The following KCNK2 variants were observed in gnomAD, a reference collection of about 807,000 sequenced individuals.
KCNK2 encodes potassium channel subfamily K member 2.
In KCNK2, 21 loss-of-function variants were observed where a neutral mutation model predicts 40.5. The observed-to-expected ratio is 0.52, with a 90% CI of 0.37 to 0.75. The LOEUF (loss-of-function observed/expected upper bound fraction) is 0.75. Ranked by LOEUF, KCNK2 falls within the 30% of genes least tolerant of loss-of-function variation. KCNK2 has a pLI of 0.00. For missense variants in KCNK2, 399 were observed against 531.6 expected, an observed-to-expected ratio of 0.75 and a Z score of 2.45; for synonymous variants, 191 against 202.2, an observed-to-expected ratio of 0.94 and a Z score of 0.47.
At chr1:215,149,140 CACAG>C (rs763494255) in intron 3 of KCNK2, among the ~76,000 whole-genome samples, 1 of 152,114 alleles carries the variant, frequency 6.6e-6, no homozygotes, top group African/African-American at 2.4e-5. Flanking sequence ...TGAGAAAAAA[CACAG>C]ACAGGCTGTT....
chr1:215,136,309 C>A (rs1202285506), intron 3 of KCNK2, among the ~76,000 whole-genome samples: 1 of 151,424 alleles, frequency 6.6e-6, no homozygotes, highest in Non-Finnish European at 1.5e-5. Flanking sequence ...GTTGCCCAGG[C>A]TTGTCTCGAA....
At chr1:215,024,456 A>G (rs1199987654) in intron 1 of KCNK2, among the ~76,000 whole-genome samples, 1 of 152,244 alleles carries the variant, frequency 6.6e-6, no homozygotes, top group Non-Finnish European at 1.5e-5. Context: ...GTATAAGCCT[A>G]TGCCGTCTTT....
chr1:215,091,063 G>T (rs952250880), intron 2 of KCNK2, among the ~76,000 whole-genome samples: 2 of 152,148 alleles, frequency 1.3e-5, no homozygotes, highest in African/African-American at 4.8e-5. Context: ...AGGTACAATA[G>T]CATTACCGTA....
At chr1:215,218,741 T>C (rs758810051) in intron 6 of KCNK2, among the ~76,000 whole-genome samples, 1 of 152,186 alleles carries the variant, frequency 6.6e-6, no homozygotes, top group Non-Finnish European at 1.5e-5. Context: ...TTTTATCCTA[T>C]GATCTTCAAA....
chr1:215,133,405 T>C (rs1661759813), intron 3 of KCNK2, among the ~76,000 whole-genome samples: 1 of 152,224 alleles, frequency 6.6e-6, no homozygotes, highest in South Asian at 2.1e-4. Flanking sequence ...AATGCAGAGC[T>C]GTTCATTCTA....
intron 3 of KCNK2, among the ~76,000 whole-genome samples, chr1:215,128,487 C>T (rs1368442904): frequency 1.3e-5 from 2 of 152,056 alleles, no homozygotes; most frequent in Non-Finnish European, 2.9e-5. Context: ...AACATTTCCA[C>T]GTATGAAATG....
chr1:215,109,154 G>A (rs773445735), intron 2 of KCNK2, among the ~76,000 whole-genome samples: 1 of 151,738 alleles, frequency 6.6e-6, no homozygotes, highest in Admixed American at 6.6e-5. Flanking sequence ...ATTAAGTCAG[G>A]GTATTTAGGA....
intron 3 of KCNK2, among the ~76,000 whole-genome samples, chr1:215,168,520 G>C (rs1663551584): frequency 2.0e-5 from 3 of 152,178 alleles, no homozygotes; most frequent in Non-Finnish European, 4.4e-5. Context: ...ATACTATGCA[G>C]CCATAAAAAG....
At chr1:215,007,184 G>A (rs3001443) in intron 1 of KCNK2, among the ~76,000 whole-genome samples, 2 of 16,216 alleles carry the variant, frequency 1.2e-4, no homozygotes, top group Admixed American at 1.2e-3. Flanking sequence ...TATGTGTGTG[G>A]GTATATATAT....
intron 1 of KCNK2, among the ~76,000 whole-genome samples, chr1:215,006,559 C>G (rs756449793): frequency 6.6e-6 from 1 of 152,052 alleles, no homozygotes; most frequent in African/African-American, 2.4e-5. Context: ...TTAGATGTCT[C>G]TATGTGAGAC....
chr1:215,133,642 G>A (rs1661768471), intron 3 of KCNK2, among the ~76,000 whole-genome samples: 1 of 149,520 alleles, frequency 6.7e-6, no homozygotes, highest in African/African-American at 2.5e-5. Context: ...TTTAATTTTA[G>A]ACTTGTGCAA....
At chr1:215,037,079 T>C (rs74140890) in intron 1 of KCNK2, among the ~76,000 whole-genome samples, 6,316 of 149,650 alleles carry the variant, frequency 0.042, 303 homozygotes, top group African/African-American at 0.12. Flanking sequence ...AATATTCTCA[T>C]CTTGCTCCTG....
intron 1 of KCNK2, among the ~76,000 whole-genome samples, chr1:215,010,031 A>G (rs1233731401): frequency 6.6e-6 from 1 of 152,200 alleles, no homozygotes; most frequent in African/African-American, 2.4e-5. Flanking sequence ...ATCAGCTAAA[A>G]CAATGCTTCA....
chr1:215,084,862 G>C (rs975307224), intron 1 of KCNK2, among the ~76,000 whole-genome samples: 1 of 152,228 alleles, frequency 6.6e-6, no homozygotes, highest in African/African-American at 2.4e-5. Context: ...TTCCAAATCA[G>C]ATCCATTTGG....
At chr1:215,041,558 CACTCAAGAAAATCATATGT>C (rs1447555216) in intron 1 of KCNK2, among the ~76,000 whole-genome samples, 1 of 152,170 alleles carries the variant, frequency 6.6e-6, no homozygotes, top group Non-Finnish European at 1.5e-5. Flanking sequence ...TTACTGTGGA[CACTCAAGAAAATCATATGT>C]AGTCAGATCT....
intron 1 of KCNK2, among the ~76,000 whole-genome samples, chr1:215,051,463 G>T (rs180824714): frequency 1.3e-5 from 2 of 152,252 alleles, no homozygotes; most frequent in Admixed American, 1.3e-4. Flanking sequence ...CTATAAAATT[G>T]TTTATATTCA....
At chr1:215,227,552 A>T (rs1666433718) in intron 6 of KCNK2, among the ~76,000 whole-genome samples, 1 of 152,192 alleles carries the variant, frequency 6.6e-6, no homozygotes, top group African/African-American at 2.4e-5. Context: ...GTCACTTTAA[A>T]GAGTTGGAAC....
intron 1 of KCNK2, among the ~76,000 whole-genome samples, chr1:215,011,536 C>T (rs1434040974): frequency 6.6e-6 from 1 of 151,898 alleles, no homozygotes; most frequent in Non-Finnish European, 1.5e-5. Context: ...CAAGAATCTA[C>T]CTGCCTCAGC....
intron 6 of KCNK2, among the ~76,000 whole-genome samples, chr1:215,208,305 A>G (rs760985968): frequency 6.6e-6 from 1 of 152,144 alleles, no homozygotes; most frequent in Non-Finnish European, 1.5e-5. Context: ...GAGCTAACTG[A>G]TAAGAGCTTA....
Sources: allele counts gnomAD v4.1 joint callset (sites outside exome capture counted in the v4.1 genomes callset), GRCh38; gene constraint gnomAD v4.1.1; transcripts MANE v1.5; gene names NCBI Gene and HGNC (gene_info 2026-07-23, HGNC 2026-07-21).